Variants in KIAA0319 observed in about 807,000 individuals in gnomAD.
KIAA0319 encodes the protein KIAA0319.
In KIAA0319, 83 loss-of-function variants were observed where a neutral mutation model predicts 108.4. The observed-to-expected ratio is 0.77, with a 90% CI of 0.64 to 0.92. KIAA0319 has a LOEUF of 0.92. Ranked by LOEUF, KIAA0319 falls within the 40% of genes least tolerant of loss-of-function variation. The pLI is 0.00. For synonymous variants in KIAA0319, 484 were observed against 510.4 expected (o/e 0.95, Z 0.70); for missense variants, 1,195 against 1,322.4 (o/e 0.90, Z 1.49).
At chr6:24,548,029 T>C (rs1469686040) in intron 20 of KIAA0319, among the ~76,000 whole-genome samples, 1 of 151,920 alleles carries the variant, frequency 6.6e-6, no homozygotes, top group Non-Finnish European at 1.5e-5. Context: ...CAAGACCCTG[T>C]CTCGGGAAAA....
chr6:24,596,677 G>T, intron 2 of KIAA0319, 59 bp from the exon 3 acceptor site: 2 of 1,488,714 alleles, frequency 1.3e-6, no homozygotes, highest in East Asian at 4.6e-5. Flanking sequence ...AGCACCTCCA[G>T]CTTAAGAAAC....
intron 1 of KIAA0319, among the ~76,000 whole-genome samples, chr6:24,634,652 T>A (rs1210492957): frequency 6.6e-6 from 1 of 152,208 alleles, no homozygotes; most frequent in South Asian, 2.1e-4. Flanking sequence ...CAGATATAAT[T>A]AAGGTTACTA....
chr6:24,574,228 G>A lies in KIAA0319; in HGVS notation c.1735-1530C>T, dbSNP rs143547518. Among the ~76,000 whole-genome samples, 80 of 152,302 alleles carry A rather than the reference G, an allele frequency of 5.3e-4. No individual in the cohort carries two copies. In the East Asian group the frequency reaches 6.0e-3, roughly 11 times the overall value. On this transcript the variant is annotated intron_variant, in intron 10 of 20. Transcript: ENST00000378214. Reference sequence around the variant, plus strand: ...GCGAGAAGATTTCTTGAGCCCAGGAGTTAGAGATCAGCCTGGGCAACATGG... The same window carrying A: ...GCGAGAAGATTTCTTGAGCCCAGGAATTAGAGATCAGCCTGGGCAACATGG...
chr6:24,626,923 A>G (rs1447731352), intron 1 of KIAA0319, among the ~76,000 whole-genome samples: 1 of 152,198 alleles, frequency 6.6e-6, no homozygotes, highest in Non-Finnish European at 1.5e-5. Flanking sequence ...GCAGGAAGGT[A>G]ATAAGGTTAT....
Position 24,639,641 on chromosome 6 carries a change from A to G in KIAA0319, c.-106+6095T>C, listed in dbSNP as rs567579533. Among the ~76,000 whole-genome samples the G allele has an allele frequency of 4.6e-5, 7 of 152,272 alleles. No individual in the cohort carries two copies. In the South Asian group the frequency reaches 1.2e-3, roughly 27 times the overall value. On this transcript the variant is annotated intron_variant, in intron 1 of 20. Coordinates refer to ENST00000378214, the MANE Select transcript of KIAA0319 (RefSeq NM_014809.4). ...AAGGCGGGCAGATCACGAGGTCAGG[A>G]GTTTCAAACCAGCCTGGCCAACATA...
chr6:24,563,011 G>A (rs1408867629), intron 16 of KIAA0319, among the ~76,000 whole-genome samples: 2 of 152,110 alleles, frequency 1.3e-5, no homozygotes, highest in Admixed American at 1.3e-4. Context: ...CCCCATGAAC[G>A]TGGGGCAGGG....
chr6:24,574,074 C>A (rs905115892), intron 10 of KIAA0319, among the ~76,000 whole-genome samples: 2 of 151,988 alleles, frequency 1.3e-5, no homozygotes, highest in Non-Finnish European at 2.9e-5. Flanking sequence ...AAGATGGTGC[C>A]ACTGCACTCC....
Position 24,569,221 on chromosome 6 carries a change from C to T in KIAA0319, c.1992-292G>A, listed in dbSNP as rs184299374. Among the ~76,000 whole-genome samples, 75 of 152,252 alleles carry T rather than the reference C, an allele frequency of 4.9e-4. 2 individuals carry two copies. The highest frequency in any genetic ancestry group is 7.3e-4 in the Non-Finnish European group (50 of 68,028). On this transcript the variant is annotated intron_variant, in intron 12 of 20. Transcript: ENST00000378214. Reference sequence around the variant, plus strand: ...ATCCTTGGAAAATGAGCCTTAGAAACGACTCCCATTTCTTCTTTGAATAAA... The same window carrying T: ...ATCCTTGGAAAATGAGCCTTAGAAATGACTCCCATTTCTTCTTTGAATAAA...
chr6:24,565,366 T>G (rs578064181), intron 14 of KIAA0319, among the ~76,000 whole-genome samples: 1 of 139,840 alleles, frequency 7.2e-6, no homozygotes, highest in South Asian at 2.1e-4. Flanking sequence ...AATGAAGACG[T>G]ACATACATTT....
chr6:24,556,857 G>A, intron 17 of KIAA0319, 128 bp from the exon 18 acceptor site: 2 of 1,072,960 alleles, frequency 1.9e-6, no homozygotes, highest in Non-Finnish European at 2.6e-6. Context: ...GCCTCTTACA[G>A]TGTGGACAGG....
In KIAA0319 at chr6:24,583,600, T is replaced by C. The variant is rs779913335; in HGVS notation, c.1093+4A>G. 3 of 1,606,274 alleles carry C rather than the reference T, an allele frequency of 1.9e-6. No individual in the cohort carries two copies. Among genetic ancestry groups the C allele is most frequent in the Non-Finnish European group, 2.6e-6 (3 of 1,173,088 alleles). ...GTGGTCAGGGAGGAAGGTTAAACTC[T>C]CACCTACAGGTGGCGCTGGCGCAAC... is the stretch of plus-strand genomic sequence containing the variant. On this transcript the variant is annotated splice_donor_region_variant and intron_variant, in intron 5 of 20. Transcript: ENST00000378214.
At chr6:24,598,163 T>C (rs900986190) in intron 2 of KIAA0319, 3 of 451,032 alleles carry the variant, frequency 6.7e-6, no homozygotes, top group African/African-American at 2.0e-5. Context: ...CAAGGTGGCC[T>C]GGGCACCAGT....
chr6:24,593,736 G>A (rs1768920375), intron 3 of KIAA0319, among the ~76,000 whole-genome samples: 1 of 151,574 alleles, frequency 6.6e-6, no homozygotes, highest in Admixed American at 6.6e-5. Flanking sequence ...CAACCTCAAA[G>A]AACTAATGAG....
At chr6:24,645,576 A>C (rs1196933508) in intron 1 of KIAA0319, 160 bp downstream of exon 1, 2 of 152,234 alleles carry the variant, frequency 1.3e-5, no homozygotes, top group Non-Finnish European at 2.9e-5. Flanking sequence ...TCAGTGCAGC[A>C]ATCAAAAAAT....
chr6:24,547,939 G>C (rs956803803), intron 20 of KIAA0319, among the ~76,000 whole-genome samples: 5 of 152,098 alleles, frequency 3.3e-5, no homozygotes, highest in Non-Finnish European at 7.4e-5. Flanking sequence ...AGGCTGAGGT[G>C]GGAGGATCAC....
chr6:24,548,488 G>C (rs954218017), intron 20 of KIAA0319, among the ~76,000 whole-genome samples: 20 of 152,182 alleles, frequency 1.3e-4, no homozygotes, highest in African/African-American at 4.8e-4. Flanking sequence ...GGGAGAATCA[G>C]CTGGGAAAGG....
chr6:24,605,763 CT>C (rs1481342702), intron 1 of KIAA0319, among the ~76,000 whole-genome samples: 1 of 151,840 alleles, frequency 6.6e-6, no homozygotes, highest in African/African-American at 2.4e-5. Flanking sequence ...TTTTCTTTTC[CT>C]TTTTTGCTTC....
chr6:24,590,998 G>A (rs1438439589), intron 3 of KIAA0319, among the ~76,000 whole-genome samples: 1 of 152,084 alleles, frequency 6.6e-6, no homozygotes, highest in Non-Finnish European at 1.5e-5. Context: ...GTTTCAAATG[G>A]CTCTTGTTTC....
chr6:24,599,106 TG>T lies in KIAA0319; in HGVS notation c.55+1942del. ...TGTGGTGCTGTCCATGGACAACAGC[TG>T]GTCCCTGGACATGGACAGCATCATT... On this transcript the variant is annotated intron_variant, in intron 2 of 20. Transcript: ENST00000378214. This position sits in a 1 kb window ranked among gnomAD's most constrained non-coding sequence, Gnocchi z 4.1. 1 of 694,194 alleles carries T rather than the reference TG, an allele frequency of 1.4e-6. No homozygotes were observed. The highest frequency in any genetic ancestry group is 1.8e-5 in the African/African-American group (1 of 57,092). The allele number at this position is 694,194 out of a possible 1,614,324, so 43.0% of individuals were successfully genotyped here.
Sources: gnomAD v4.1 joint callset for allele counts (sites outside exome capture counted in the v4.1 genomes callset) on GRCh38, gnomAD v4.1.1 for gene constraint, Gnocchi (gnomAD v3.1) non-coding constraint, MANE v1.5 for transcripts, NCBI Gene and HGNC (gene_info 2026-07-23, HGNC 2026-07-21) for gene names.